The following TAOK3 variants were observed in gnomAD, a reference collection of about 807,000 sequenced individuals.
The protein encoded by TAOK3 is TAO kinase 3, also known as serine/threonine-protein kinase TAO3.
A neutral mutation model predicts 120.4 loss-of-function variants in TAOK3; 40 were observed. That is an observed-to-expected ratio of 0.33 (90% CI 0.26 to 0.43). The LOEUF (loss-of-function observed/expected upper bound fraction) is 0.43. TAOK3 is among the 20% of genes least tolerant of loss of function. The pLI is 1.00. For synonymous variants in TAOK3, 355 were observed against 387.5 expected (o/e 0.92, Z 0.99); for missense variants, 821 against 1,112.1 (o/e 0.74, Z 3.72).
At chr12:118,209,305 T>C (rs1298175274) in intron 11 of TAOK3, among the ~76,000 whole-genome samples, 3 of 152,240 alleles carry the variant, frequency 2.0e-5, no homozygotes, top group East Asian at 3.8e-4. Context: ...TTTACTTTTA[T>C]ATGCATAAAA....
intron 3 of TAOK3, among the ~76,000 whole-genome samples, chr12:118,250,758 G>A (rs2040716160): frequency 6.6e-6 from 1 of 152,166 alleles, no homozygotes; most frequent in African/African-American, 2.4e-5. Flanking sequence ...ATTCTGATAT[G>A]TGCCACAAAG....
intron 1 of TAOK3, among the ~76,000 whole-genome samples, chr12:118,357,871 ATTAT>A (rs1012156476): frequency 1.3e-5 from 2 of 152,232 alleles, no homozygotes; most frequent in African/African-American, 4.8e-5. Flanking sequence ...CATTTTAAAG[ATTAT>A]TTGACACTTA....
At chr12:118,266,266 C>T (rs2041443156) in intron 2 of TAOK3, among the ~76,000 whole-genome samples, 1 of 152,074 alleles carries the variant, frequency 6.6e-6, no homozygotes, top group African/African-American at 2.4e-5. Flanking sequence ...GATCTCGGCT[C>T]ACCGCAACCT....
intron 12 of TAOK3, chr12:118,200,997 C>T: frequency 4.1e-6 from 1 of 245,528 alleles, no homozygotes; most frequent in Non-Finnish European, 7.9e-6. Context: ...ACACCCTATG[C>T]CCATTTGTCA....
chr12:118,167,218 T>A (rs934378670), intron 17 of TAOK3, among the ~76,000 whole-genome samples: 1 of 152,096 alleles, frequency 6.6e-6, no homozygotes, highest in Non-Finnish European at 1.5e-5. Context: ...TTTCACTAAT[T>A]AAAAGGATTG....
intron 1 of TAOK3, among the ~76,000 whole-genome samples, chr12:118,283,954 T>C (rs1362573498): frequency 6.6e-6 from 1 of 152,136 alleles, no homozygotes; most frequent in Non-Finnish European, 1.5e-5. Flanking sequence ...GTTTTTAAGC[T>C]TTTTTTCTAC....
At chr12:118,260,675 T>C (rs546890303) in intron 2 of TAOK3, among the ~76,000 whole-genome samples, 116 of 152,310 alleles carry the variant, frequency 7.6e-4, no homozygotes, top group Non-Finnish European at 1.5e-3. Context: ...CTTTATTTTA[T>C]GCATATATGT....
intron 17 of TAOK3, among the ~76,000 whole-genome samples, chr12:118,168,597 TTTGAACA>T (rs2035763188): frequency 6.6e-6 from 1 of 152,180 alleles, no homozygotes; most frequent in African/African-American, 2.4e-5. Flanking sequence ...ATAAAAAAGC[TTTGAACA>T]TTTTCATGAA....
chr12:118,208,484 T>C (rs1037867082), intron 11 of TAOK3, among the ~76,000 whole-genome samples: 2 of 152,216 alleles, frequency 1.3e-5, no homozygotes, highest in Admixed American at 6.5e-5. Context: ...CTTTTCAACT[T>C]ACGAGAGAGA....
intron 14 of TAOK3, among the ~76,000 whole-genome samples, chr12:118,182,623 A>ATATATATATATT (rs371125415): frequency 4.3e-5 from 4 of 92,382 alleles, no homozygotes; most frequent in African/African-American, 2.0e-4. Flanking sequence ...ATATATATAT[A>ATATATATATATT]TTTTTTTTTT....
intron 1 of TAOK3, among the ~76,000 whole-genome samples, chr12:118,354,263 A>G (rs1263772339): frequency 1.3e-5 from 2 of 152,214 alleles, no homozygotes; most frequent in Non-Finnish European, 2.9e-5. Flanking sequence ...GATGTTATTA[A>G]GTAAAATCAA....
chr12:118,179,370 G>C (rs76621503), intron 15 of TAOK3, among the ~76,000 whole-genome samples: 15,400 of 152,184 alleles, frequency 0.1, 988 homozygotes, highest in Middle Eastern at 0.15. Context: ...AGCACTGCTT[G>C]AGCAGGCAGA....
At chr12:118,307,821 A>G (rs1023588929) in intron 1 of TAOK3, among the ~76,000 whole-genome samples, 1 of 152,220 alleles carries the variant, frequency 6.6e-6, no homozygotes, top group Non-Finnish European at 1.5e-5. Context: ...AAAAATGTTA[A>G]GCTGCATACT....
intron 1 of TAOK3, among the ~76,000 whole-genome samples, chr12:118,291,683 G>GT (rs1410172271): frequency 6.6e-6 from 1 of 152,038 alleles, no homozygotes; most frequent in Non-Finnish European, 1.5e-5. Flanking sequence ...TCAATAATCT[G>GT]TTTTAATGGA....
intron 19 of TAOK3, among the ~76,000 whole-genome samples, chr12:118,154,945 C>T (rs1412373771): frequency 6.6e-6 from 1 of 152,056 alleles, no homozygotes; most frequent in Non-Finnish European, 1.5e-5. Flanking sequence ...CAGTGGTTGG[C>T]ACACTACAGC....
At chr12:118,171,411 C>A (rs575770339) in intron 17 of TAOK3, among the ~76,000 whole-genome samples, 9 of 152,348 alleles carry the variant, frequency 5.9e-5, no homozygotes, top group Admixed American at 5.9e-4. Flanking sequence ...GGCTGGAGTG[C>A]AGTGGCACGA....
intron 19 of TAOK3, among the ~76,000 whole-genome samples, chr12:118,154,948 A>G (rs897891517): frequency 1.3e-5 from 2 of 152,098 alleles, no homozygotes; most frequent in African/African-American, 4.8e-5. Flanking sequence ...TGGTTGGCAC[A>G]CTACAGCCCA....
At chr12:118,258,491 A>T (rs1314267047) in intron 2 of TAOK3, among the ~76,000 whole-genome samples, 1 of 152,188 alleles carries the variant, frequency 6.6e-6, no homozygotes, top group Non-Finnish European at 1.5e-5. Context: ...AGGCAGGCAG[A>T]TCACAAGGTC....
At chr12:118,317,474 AT>A (rs1276018325) in intron 1 of TAOK3, among the ~76,000 whole-genome samples, 1 of 151,626 alleles carries the variant, frequency 6.6e-6, no homozygotes, top group Non-Finnish European at 1.5e-5. Flanking sequence ...AATTTTTTGT[AT>A]TTTTAGTAGA....
Sources: gnomAD v4.1 joint callset for allele counts (sites outside exome capture counted in the v4.1 genomes callset) on GRCh38, gnomAD v4.1.1 for gene constraint, MANE v1.5 for transcripts, NCBI Gene and HGNC (gene_info 2026-07-23, HGNC 2026-07-21) for gene names.